The following EGF variants were observed in gnomAD, a reference collection of about 807,000 sequenced individuals.
EGF encodes the protein pro-epidermal growth factor.
Under a neutral mutation model 143.8 loss-of-function variants are expected in EGF, and 95 were observed. That is an observed-to-expected ratio of 0.66 (90% confidence interval 0.56 to 0.78). EGF has a LOEUF of 0.78. EGF is among the 30% of genes least tolerant of loss of function. The pLI is 0.00. For synonymous variants in EGF, 510 were observed against 510.5 expected (o/e 1.00, Z 0.01); for missense variants, 1,320 against 1,470.9 (o/e 0.90, Z 1.68).
intron 18 of EGF, 108 bp from the exon 19 acceptor site, chr4:109,993,139 A>T: frequency 1.4e-6 from 2 of 1,420,730 alleles, no homozygotes; most frequent in African/African-American, 2.8e-5. Flanking sequence ...CTGAGAACAT[A>T]TAGCATGACA....
chr4:109,957,809 T>C (rs111793130), intron 5 of EGF, among the ~76,000 whole-genome samples: 7 of 152,256 alleles, frequency 4.6e-5, no homozygotes, highest in Admixed American at 2.6e-4. Flanking sequence ...AACAATGCCA[T>C]GGCTTCAGAA....
At position 109,912,991 on chromosome 4, in the gene EGF, T is replaced by G; in HGVS notation, c.-345T>G. 1 of 260,820 alleles carries G rather than the reference T, an allele frequency of 3.8e-6. No homozygotes were observed. 16.2% of individuals were successfully genotyped at this position (260,820 alleles called of 1,614,324 possible). On this transcript the variant is annotated 5_prime_UTR_variant, in exon 1 of 24. Coordinates refer to ENST00000265171, the MANE Select transcript of EGF (RefSeq NM_001963.6). ...CCATCAGTTCTTCCTTTCTTTTTCC[T>G]CTCTAAGCCTTTGCCTTGCTCTGTC...
chr4:109,987,782 G>A lies in EGF; in HGVS notation c.2530G>A (p.Ala844Thr), dbSNP rs374953145. The stretch of plus-strand genomic sequence containing the variant: ...TGCTCCTGTGGGATGCAGCATGTAT[G>A]CTCGGTGTATTTCAGAGGGAGAGGA... ...DCAPVGCSMY[A>T]RCISEGEDAT... Residue 844 changes from alanine to threonine, a missense_variant, in exon 17 of 24, where the codon GCT becomes ACT. Physicochemically the swap from Ala to Thr is moderately conservative, Grantham distance 58. This residue lies in a region of EGF where 1,186 missense variants were observed against 1,313.7 expected (regional missense o/e 0.90). Transcript: ENST00000265171. The A allele has an allele frequency of 6.2e-7, 1 of 1,613,952 alleles. No individual in the cohort carries two copies.
At chr4:109,981,836 T>C (rs900688568) in intron 15 of EGF, among the ~76,000 whole-genome samples, 8 of 152,210 alleles carry the variant, frequency 5.3e-5, no homozygotes, top group Admixed American at 5.2e-4. Context: ...TCTTATTTTA[T>C]TACATAGAGT....
chr4:109,927,528 T>C (rs1029649400), intron 1 of EGF, among the ~76,000 whole-genome samples: 33 of 151,844 alleles, frequency 2.2e-4, no homozygotes, highest in African/African-American at 7.7e-4. Flanking sequence ...ATTGAGACCA[T>C]CCTGGCTAAC....
intron 13 of EGF, among the ~76,000 whole-genome samples, chr4:109,977,817 G>A (rs1748733621): frequency 6.6e-6 from 1 of 152,192 alleles, no homozygotes; most frequent in South Asian, 2.1e-4. Flanking sequence ...TCCAGCCTGG[G>A]TGACGGAGTG....
At chr4:109,922,939 A>G (rs527843424) in intron 1 of EGF, among the ~76,000 whole-genome samples, 2 of 151,766 alleles carry the variant, frequency 1.3e-5, no homozygotes, top group Admixed American at 6.5e-5. Context: ...AACATTTTCT[A>G]TAATTTTTAT....
chr4:110,004,211 TACATACACACAC>T lies in EGF; in HGVS notation c.3174-290_3174-279del, dbSNP rs1425441701. The T allele has an allele frequency of 3.2e-3, 1,231 of 387,306 alleles. 8 individuals are homozygous for T. Among genetic ancestry groups the T allele is most frequent in the African/African-American group, 0.025 (1,030 of 40,466 alleles). The allele number at this position is 387,306 out of a possible 1,614,324, so 24.0% of individuals were successfully genotyped here. A position where few individuals can be genotyped will look rare whatever the true frequency, so the allele number is the denominator to read the frequency against. On this transcript the variant is annotated intron_variant, in intron 21 of 23. Transcript: ENST00000265171. Reference sequence around the variant, plus strand: ...CTATTCCCCCCAACATACATGGGCATACATACACACACACACACACACACACACACACACACA... The same window carrying T: ...CTATTCCCCCCAACATACATGGGCATACACACACACACACACACACACACA...
intron 1 of EGF, among the ~76,000 whole-genome samples, chr4:109,921,341 T>A (rs1404626542): frequency 6.6e-6 from 1 of 151,278 alleles, no homozygotes; most frequent in Non-Finnish European, 1.5e-5. Flanking sequence ...GGAATCTGAA[T>A]TGGTGTGAGC....
rs1203485708 is a variant in EGF, at chr4:110,012,687, A to G, written c.*1232A>G. Among the ~76,000 whole-genome samples the G allele has an allele frequency of 3.3e-5, 5 of 152,180 alleles. No homozygotes were observed. Among genetic ancestry groups the G allele is most frequent in the Non-Finnish European group, 7.3e-5 (5 of 68,040 alleles). On this transcript the variant is annotated 3_prime_UTR_variant, in exon 24 of 24. Coordinates refer to ENST00000265171, the MANE Select transcript of EGF (RefSeq NM_001963.6). ...TCAGCCTCCCAACGTATTAGATTATAGGCATTAGCCATGGTGCCCAGCCTT... is the reference window on the plus strand; with the variant it reads ...TCAGCCTCCCAACGTATTAGATTATGGGCATTAGCCATGGTGCCCAGCCTT...
intron 12 of EGF, among the ~76,000 whole-genome samples, chr4:109,975,209 T>C (rs1748300722): frequency 1.3e-5 from 2 of 152,170 alleles, no homozygotes; most frequent in Admixed American, 6.5e-5. Context: ...AAACAGAAAC[T>C]GTGAAAGGTT....
Position 109,913,246 on chromosome 4 carries a change from G to T in EGF, c.-90G>T, listed in dbSNP as rs1736014408. On this transcript the variant is annotated 5_prime_UTR_variant, in exon 1 of 24. Transcript: ENST00000265171. Reference sequence around the variant, plus strand: ...GGCTGAGGCCTCCGCTCAGGCAGCCGCATCTGGGGTCAATCATACTCACCT... The same window carrying T: ...GGCTGAGGCCTCCGCTCAGGCAGCCTCATCTGGGGTCAATCATACTCACCT... The T allele has an allele frequency of 1.9e-6, 3 of 1,548,720 alleles. No individual in the cohort carries two copies. Among genetic ancestry groups the T allele is most frequent in the Non-Finnish European group, 2.7e-6 (3 of 1,127,398 alleles).
intron 13 of EGF, chr4:109,977,576 C>T (rs1450919477): frequency 7.3e-5 from 11 of 149,982 alleles, no homozygotes; most frequent in Admixed American, 6.7e-4. Context: ...TGGTGGCTCA[C>T]ACCTGTAATC....
At chr4:109,925,137 GC>G (rs915178715) in intron 1 of EGF, among the ~76,000 whole-genome samples, 1 of 152,172 alleles carries the variant, frequency 6.6e-6, no homozygotes, top group African/African-American at 2.4e-5. Context: ...AAGAGGAAAA[GC>G]CTGATATTAT....
chr4:109,975,410 GA>G (rs1311953865), intron 12 of EGF, among the ~76,000 whole-genome samples: 9 of 152,094 alleles, frequency 5.9e-5, no homozygotes, highest in Non-Finnish European at 8.8e-5. Flanking sequence ...AATTGATTTG[GA>G]GCCAGCCAAA....
At position 109,961,882 on chromosome 4, in the gene EGF, C is replaced by G. The variant is rs1381637742; in HGVS notation, c.1209C>G (p.Arg403=). 6.2e-7 allele frequency: 1 copy of G among 1,613,728 alleles called. No individual in the cohort carries two copies. Among genetic ancestry groups the G allele is most frequent in the Non-Finnish European group, 8.5e-7 (1 of 1,179,810 alleles). The change falls in exon 8 of 24, where the codon CGC becomes CGG. Residue 403 remains arginine (R), a synonymous_variant. Coordinates refer to ENST00000265171, the MANE Select transcript of EGF (RefSeq NM_001963.6). ...KRCHQLVSCP[R]NVSECSHDCV... Reference sequence around the variant, plus strand: ...AATTAGAACTTGTTTCCTGTCCACGCAATGTGTCTGAATGCAGCCATGACT... The same window carrying G: ...AATTAGAACTTGTTTCCTGTCCACGGAATGTGTCTGAATGCAGCCATGACT...
intron 22 of EGF, among the ~76,000 whole-genome samples, chr4:110,005,762 G>A (rs969213174): frequency 6.6e-6 from 1 of 152,188 alleles, no homozygotes; most frequent in Admixed American, 6.5e-5. Flanking sequence ...ATTATTTGTG[G>A]TATATATTGT....
chr4:110,001,597 T>C, intron 21 of EGF: 1 of 985,130 alleles, frequency 1.0e-6, no homozygotes, highest in East Asian at 1.1e-4. Context: ...TTTTCCTATT[T>C]GTTGTGTTAT....
rs763142310 is a variant in EGF, at chr4:110,011,215, A to AACTTCATGGAGGC, written c.3386_3398dup (p.Gln1133HisfsTer25). 8.7e-6 allele frequency: 14 copies of AACTTCATGGAGGC among 1,613,752 alleles called. No individual in the cohort carries two copies. The highest frequency in any genetic ancestry group is 3.3e-5 in the Admixed American group (2 of 60,006). ...TCTTTCATATAGGGTCAATGCAACC[A>AACTTCATGGAGGC]ACTTCATGGAGGCAGGAGCCCCAGT... is the stretch of plus-strand genomic sequence containing the variant. On this transcript the variant is annotated frameshift_variant, in exon 24 of 24. Coordinates refer to ENST00000265171, the MANE Select transcript of EGF (RefSeq NM_001963.6). LOFTEE classifies it low-confidence loss of function (END_TRUNC).
Sources: gnomAD v4.1 joint callset for allele counts (sites outside exome capture counted in the v4.1 genomes callset) on GRCh38, gnomAD v4.1.1 for gene constraint, gnomAD v4.1.1 regional missense constraint, MANE v1.5 for transcripts, NCBI Gene and HGNC (gene_info 2026-07-23, HGNC 2026-07-21) for gene names.